Variants in SLC30A8 observed in about 807,000 individuals in gnomAD.
SLC30A8 encodes proton-coupled zinc antiporter SLC30A8.
In SLC30A8, 27 loss-of-function variants were observed where a neutral mutation model predicts 36.9. The ratio of observed to expected loss-of-function variants is 0.73; its 90% confidence interval spans 0.54 to 1.01. The LOEUF is 1.01. Among genes scored for constraint, SLC30A8 ranks in the 50% least tolerant of loss-of-function variants. SLC30A8 has a pLI of 0.00. For missense variants in SLC30A8, 439 were observed against 452.0 expected (o/e 0.97, Z 0.26); for synonymous variants, 164 against 172.4 (o/e 0.95, Z 0.38).
At chr8:116,975,256 T>C (rs1160535405) in intron 1 of SLC30A8, among the ~76,000 whole-genome samples, 1 of 152,116 alleles carries the variant, frequency 6.6e-6, no homozygotes, top group East Asian at 1.9e-4. Context: ...GGCCACAAAT[T>C]GAAGCTAGCA....
intron 2 of SLC30A8, among the ~76,000 whole-genome samples, chr8:117,103,100 C>G: frequency 6.6e-6 from 1 of 152,016 alleles, no homozygotes; most frequent in Non-Finnish European, 1.5e-5. Flanking sequence ...TCATTTAAAT[C>G]AGGTATGGGT....
chr8:117,099,114 A>G (rs1819598701), intron 2 of SLC30A8, among the ~76,000 whole-genome samples: 1 of 152,156 alleles, frequency 6.6e-6, no homozygotes, highest in Non-Finnish European at 1.5e-5. Context: ...AAAGTATAAG[A>G]TATGTATCTT....
intron 6 of SLC30A8, among the ~76,000 whole-genome samples, chr8:117,166,973 A>T (rs1823090090): frequency 2.0e-5 from 3 of 151,872 alleles, no homozygotes; most frequent in Admixed American, 2.0e-4. Flanking sequence ...AATGTCACAG[A>T]GTAATAGTGA....
chr8:116,988,623 C>T (rs1815530450), intron 1 of SLC30A8, among the ~76,000 whole-genome samples: 1 of 152,178 alleles, frequency 6.6e-6, no homozygotes, highest in Non-Finnish European at 1.5e-5. Context: ...CTCTGAGCTT[C>T]CTTAATATCT....
At chr8:117,049,184 A>C (rs1161500311) in intron 2 of SLC30A8, among the ~76,000 whole-genome samples, 2 of 152,210 alleles carry the variant, frequency 1.3e-5, no homozygotes, top group African/African-American at 2.4e-5. Context: ...TCAAGTTAAA[A>C]TGTAGAGAGC....
intron 1 of SLC30A8, among the ~76,000 whole-genome samples, chr8:116,977,501 A>G (rs945429981): frequency 1.5e-5 from 2 of 131,384 alleles, no homozygotes; most frequent in African/African-American, 2.9e-5. Flanking sequence ...CACTGTTACT[A>G]CTTTACCACT....
intron 2 of SLC30A8, among the ~76,000 whole-genome samples, chr8:117,059,221 T>A (rs1563573176): frequency 6.6e-6 from 1 of 152,228 alleles, no homozygotes; most frequent in Non-Finnish European, 1.5e-5. Flanking sequence ...AGGACTGCTG[T>A]TATTAATATG....
At chr8:116,982,062 C>A (rs2130644701) in intron 1 of SLC30A8, among the ~76,000 whole-genome samples, 1 of 152,268 alleles carries the variant, frequency 6.6e-6, no homozygotes, top group South Asian at 2.1e-4. Context: ...CTTTTCTCTG[C>A]AACCTTGCCA....
At chr8:116,978,568 CTT>C (rs1410632548) in intron 1 of SLC30A8, among the ~76,000 whole-genome samples, 3 of 152,092 alleles carry the variant, frequency 2.0e-5, no homozygotes, top group African/African-American at 7.2e-5. Context: ...ATTGCTTGCT[CTT>C]TTTTTCCCTT....
At chr8:117,017,363 T>C (rs573848575) in intron 1 of SLC30A8, among the ~76,000 whole-genome samples, 1 of 152,326 alleles carries the variant, frequency 6.6e-6, no homozygotes, top group East Asian at 1.9e-4. Flanking sequence ...CAAATAATAT[T>C]AGAATACAAG....
At chr8:116,965,318 C>T (rs772319582) in intron 1 of SLC30A8, among the ~76,000 whole-genome samples, 3 of 152,208 alleles carry the variant, frequency 2.0e-5, no homozygotes, top group Non-Finnish European at 4.4e-5. Context: ...AAAATACAAA[C>T]TGAAGGATAG....
chr8:117,034,798 C>A (rs745925273), intron 1 of SLC30A8, among the ~76,000 whole-genome samples: 6 of 152,020 alleles, frequency 3.9e-5, no homozygotes, highest in Non-Finnish European at 8.8e-5. Context: ...GCTGAGGAGT[C>A]CTCAGGAAAC....
intron 2 of SLC30A8, among the ~76,000 whole-genome samples, chr8:117,094,755 C>G (rs1819285956): frequency 6.6e-6 from 1 of 152,208 alleles, no homozygotes; most frequent in South Asian, 2.1e-4. Flanking sequence ...ACCCAGGAGC[C>G]TGTCTGCCTC....
At chr8:117,021,389 T>C (rs1156302421) in intron 1 of SLC30A8, among the ~76,000 whole-genome samples, 5 of 152,212 alleles carry the variant, frequency 3.3e-5, no homozygotes, top group African/African-American at 1.2e-4. Context: ...CACCTTGTTT[T>C]CTTAAAATGT....
At position 117,120,960 on chromosome 8, in the gene SLC30A8, CA is replaced by C. The variant is rs1290663299; in HGVS notation, c.-225-14319del. ...ATCACCTCACACCTGTTAGGATGGC[CA>C]TCAAAAACAAACACACACACAAACA... On this transcript the variant is annotated intron_variant, in intron 2 of 10. Transcript: ENST00000427715. Among the ~76,000 whole-genome samples the C allele has an allele frequency of 2.0e-5, 3 of 151,598 alleles. No homozygotes were observed. The South Asian group carries it at 6.2e-4, about 32-fold the overall frequency.
upstream of SLC30A8, among the ~76,000 whole-genome samples, chr8:117,132,031 A>T (rs931711763): frequency 6.6e-6 from 1 of 152,030 alleles, no homozygotes; most frequent in African/African-American, 2.4e-5. Flanking sequence ...AACAGGAAAA[A>T]GCAAAACATG....
intron 2 of SLC30A8, among the ~76,000 whole-genome samples, chr8:117,098,418 C>A (rs986799920): frequency 1.3e-5 from 2 of 152,100 alleles, no homozygotes; most frequent in Non-Finnish European, 1.5e-5. Context: ...GAGTATCACT[C>A]GTCTGTCCTA....
intron 2 of SLC30A8, among the ~76,000 whole-genome samples, chr8:117,095,070 C>T (rs1483767865): frequency 6.6e-6 from 1 of 152,176 alleles, no homozygotes; most frequent in Non-Finnish European, 1.5e-5. Flanking sequence ...CCTTCCCAGG[C>T]CCCTAAGAGT....
At chr8:117,091,335 G>C (rs1421362699) in intron 2 of SLC30A8, among the ~76,000 whole-genome samples, 1 of 152,106 alleles carries the variant, frequency 6.6e-6, no homozygotes, top group Non-Finnish European at 1.5e-5. Flanking sequence ...CTGAAGATGG[G>C]GACATAGTTT....
Sources: gnomAD v4.1 joint callset for allele counts (sites outside exome capture counted in the v4.1 genomes callset) on GRCh38, gnomAD v4.1.1 for gene constraint, MANE v1.5 for transcripts, NCBI Gene and HGNC (gene_info 2026-07-23, HGNC 2026-07-21) for gene names.